The following NEO1 variants were observed in gnomAD, a reference collection of about 807,000 sequenced individuals.
The protein encoded by NEO1 is neogenin.
A neutral mutation model predicts 159.7 loss-of-function variants in NEO1; 63 were observed. The ratio of observed to expected loss-of-function variants is 0.39; its 90% CI spans 0.32 to 0.49. The LOEUF (loss-of-function observed/expected upper bound fraction) is 0.49, where lower values mean the gene tolerates loss of function less well. NEO1 is among the 20% of genes least tolerant of loss of function. The probability of loss-of-function intolerance (pLI) is 0.85; values close to 1 mark genes in which losing one functional copy is unlikely to be tolerated. For synonymous variants in NEO1, 633 were observed against 662.0 expected (o/e 0.96, Z 0.67); for missense variants, 1,615 against 1,831.0 (o/e 0.88, Z 2.15).
chr15:73,067,671 C>T (rs192177324), intron 1 of NEO1, among the ~76,000 whole-genome samples: 2 of 147,622 alleles, frequency 1.4e-5, no homozygotes, highest in African/African-American at 5.0e-5. Context: ...GGCTGGAGTG[C>T]AGTGGTGCCA....
intron 1 of NEO1, among the ~76,000 whole-genome samples, chr15:73,107,557 C>G (rs2070755873): frequency 6.6e-6 from 1 of 152,096 alleles, no homozygotes; most frequent in Admixed American, 6.6e-5. Flanking sequence ...CATCATTAAA[C>G]AAAGAAGTAT....
At position 73,079,406 on chromosome 15, in the gene NEO1, G is replaced by A. The variant is rs533897496; in HGVS notation, c.130+26601G>A. On this transcript the variant is annotated intron_variant, in intron 1 of 28. Coordinates refer to ENST00000261908, the MANE Select transcript of NEO1 (RefSeq NM_002499.4). ...GACTTTTAAAATATATTTTTACTGC[G>A]TTATAGTTGAAATGTAGGTATGGTT... is the stretch of plus-strand genomic sequence containing the variant. Among the ~76,000 whole-genome samples, 54 of 152,082 alleles carry A rather than the reference G, an allele frequency of 3.6e-4. 1 individual carries two copies. The highest frequency in any genetic ancestry group is 6.0e-4 in the Non-Finnish European group (41 of 68,022).
intron 1 of NEO1, among the ~76,000 whole-genome samples, chr15:73,066,199 G>A (rs562951398): frequency 4.3e-4 from 60 of 140,760 alleles, no homozygotes; most frequent in African/African-American, 1.6e-3. Flanking sequence ...CTTATTTTTT[G>A]TACGTTTAGT....
intron 5 of NEO1, among the ~76,000 whole-genome samples, chr15:73,141,626 A>G (rs914466395): frequency 3.9e-5 from 6 of 152,232 alleles, no homozygotes; most frequent in African/African-American, 1.4e-4. Flanking sequence ...GTAAATACCT[A>G]TAACTAATCT....
chr15:73,114,299 G>T (rs1342746958), intron 1 of NEO1, among the ~76,000 whole-genome samples: 1 of 152,170 alleles, frequency 6.6e-6, no homozygotes, highest in Non-Finnish European at 1.5e-5. Context: ...AGATCAGGTG[G>T]TGACTGACGT....
At chr15:73,056,440 G>C (rs921466856) in intron 1 of NEO1, among the ~76,000 whole-genome samples, 1 of 152,166 alleles carries the variant, frequency 6.6e-6, no homozygotes, top group Non-Finnish European at 1.5e-5. Flanking sequence ...TTTTCTGCTA[G>C]TCTCAACCTC....
chr15:73,197,681 CTT>C (rs34893810), intron 7 of NEO1, among the ~76,000 whole-genome samples: 5 of 132,352 alleles, frequency 3.8e-5, no homozygotes, highest in South Asian at 2.5e-4. Context: ...TTATACCTAC[CTT>C]TTTTTTTTTT....
At chr15:73,260,501 G>T in intron 15 of NEO1, 36 bp downstream of exon 15, 1 of 1,449,678 alleles carries the variant, frequency 6.9e-7, no homozygotes, top group South Asian at 1.6e-5. Context: ...AATTGTGTGG[G>T]AGATTCCTTT....
intron 19 of NEO1, among the ~76,000 whole-genome samples, chr15:73,273,593 A>G (rs1390180523): frequency 6.6e-6 from 1 of 152,176 alleles, no homozygotes; most frequent in Non-Finnish European, 1.5e-5. Context: ...GGCTCTGCCC[A>G]GGAGTTCCTA....
At chr15:73,254,634 A>C (rs2040246408) in intron 12 of NEO1, 48 bp from the exon 13 acceptor site, 1 of 1,508,358 alleles carries the variant, frequency 6.6e-7, no homozygotes, top group South Asian at 1.4e-5. Context: ...AAACAGGACC[A>C]AGCTTTTGAT....
In NEO1 at chr15:73,178,376, A is replaced by G; in HGVS notation, c.1240A>G (p.Asn414Asp). 6.2e-7 allele frequency: 1 copy of G among 1,613,884 alleles called. No individual in the cohort carries two copies. The highest frequency in any genetic ancestry group is 8.5e-7 in the Non-Finnish European group (1 of 1,179,870). Reference protein sequence around the residue: ...DEGFYQCIAENDVGNAQAGAQ... With the variant: ...DEGFYQCIAEDDVGNAQAGAQ... ...AGGGTTCTATCAGTGCATTGCTGAA[A>G]ATGATGTTGGAAATGCACAAGCTGG... The change falls in exon 7 of 29, where the codon AAT becomes GAT. Residue 414 changes from asparagine to aspartate, a missense_variant. Coordinates refer to ENST00000261908, the MANE Select transcript of NEO1 (RefSeq NM_002499.4).
At chr15:73,254,308 G>T (rs1346288790) in intron 12 of NEO1, among the ~76,000 whole-genome samples, 5 of 151,642 alleles carry the variant, frequency 3.3e-5, no homozygotes. Flanking sequence ...CAGCTCTTCT[G>T]CACTGGACAC....
At position 73,260,181 on chromosome 15, in the gene NEO1, T is replaced by C. The variant is rs2150987610; in HGVS notation, c.2204-90T>C. On this transcript the variant is annotated intron_variant, in intron 14 of 28. Transcript: ENST00000261908. ...GTAAAAAACTTAGCCCCAAACAGTG[T>C]GGTAGGAAGCTAAACACCATTCCCC... The C allele has an allele frequency of 4.1e-6, 5 of 1,214,808 alleles. No homozygotes were observed. The African/African-American group carries it at 4.5e-5, about 11-fold the overall frequency. 75.3% of individuals were successfully genotyped at this position (1,214,808 alleles called of 1,614,324 possible). A position where few individuals can be genotyped will look rare whatever the true frequency, so the allele number is the denominator to read the frequency against.
intron 1 of NEO1, among the ~76,000 whole-genome samples, chr15:73,091,643 A>G (rs1036523525): frequency 6.6e-6 from 1 of 151,492 alleles, no homozygotes; most frequent in African/African-American, 2.4e-5. Context: ...ACTTGCTGCA[A>G]CCTTGACCTC....
intron 1 of NEO1, among the ~76,000 whole-genome samples, chr15:73,061,779 T>C (rs1454607624): frequency 6.6e-6 from 1 of 152,222 alleles, no homozygotes; most frequent in Admixed American, 6.5e-5. Flanking sequence ...ATCTGGTACA[T>C]ATATAACAAC....
intron 1 of NEO1, among the ~76,000 whole-genome samples, chr15:73,068,848 GT>G (rs201644142): frequency 9.4e-5 from 14 of 149,478 alleles, no homozygotes; most frequent in Non-Finnish European, 1.9e-4. Context: ...AAAGAATAGT[GT>G]TTTTTTTTAA....
At chr15:73,144,993 T>C (rs541201772) in intron 5 of NEO1, among the ~76,000 whole-genome samples, 1 of 152,244 alleles carries the variant, frequency 6.6e-6, no homozygotes, top group Non-Finnish European at 1.5e-5. Flanking sequence ...AACTGATTTC[T>C]CTAGTTCTAA....
intron 7 of NEO1, among the ~76,000 whole-genome samples, chr15:73,213,816 C>G (rs1474077879): frequency 6.6e-6 from 1 of 152,140 alleles, no homozygotes; most frequent in Non-Finnish European, 1.5e-5. Flanking sequence ...AATGGTAGTT[C>G]TACTTTTAAT....
chr15:73,256,562 T>C (rs1202727461), intron 13 of NEO1, among the ~76,000 whole-genome samples: 1 of 152,172 alleles, frequency 6.6e-6, no homozygotes, highest in Non-Finnish European at 1.5e-5. Flanking sequence ...AGAGAGCCAT[T>C]GATAGTGAAA....
Sources: allele counts gnomAD v4.1 joint callset (sites outside exome capture counted in the v4.1 genomes callset), GRCh38; gene constraint gnomAD v4.1.1; transcripts MANE v1.5; gene names NCBI Gene and HGNC (gene_info 2026-07-23, HGNC 2026-07-21).